CELF2: variants seen among roughly 807,000 people sequenced by gnomAD.
The protein encoded by CELF2 is CUGBP Elav-like family member 2, also known as CUG triplet repeat RNA-binding protein 2.
A neutral mutation model predicts 62.6 loss-of-function variants in CELF2; 8 were observed. The ratio of observed to expected loss-of-function variants is 0.13; its 90% CI spans 0.07 to 0.23. CELF2 has a LOEUF of 0.23. Ranked by LOEUF, CELF2 falls within the 10% of genes least tolerant of loss-of-function variation. The probability of loss-of-function intolerance (pLI) is 1.00; values close to 1 mark genes in which losing one functional copy is unlikely to be tolerated. For missense variants in CELF2, 333 were observed against 671.0 expected (o/e 0.50, Z 5.56); for synonymous variants, 258 against 250.0 (o/e 1.03, Z -0.30).
At chr10:10,463,786 G>A in the CELF2 span, among the ~76,000 whole-genome samples, 25 of 152,200 alleles carry the variant, frequency 1.6e-4, no homozygotes, top group East Asian at 4.6e-3. Flanking sequence ...TTAAAAGCAC[G>A]TGTGAAACAG....
chr10:11,118,112 A>G (rs1238920690), intron 1 of CELF2, among the ~76,000 whole-genome samples: 1 of 152,160 alleles, frequency 6.6e-6, no homozygotes, highest in African/African-American at 2.4e-5. Flanking sequence ...ATGCCTGTGA[A>G]TTAAATAAGG....
chr10:10,839,301 A>G (rs1053997834), intron 1 of CELF2, among the ~76,000 whole-genome samples: 1 of 152,152 alleles, frequency 6.6e-6, no homozygotes, highest in Non-Finnish European at 1.5e-5. Context: ...ATATCTCTAC[A>G]TGTAACCCTC....
rs534913731 is a variant in CELF2 at position 11,296,961 on chromosome 10, G to A, written c.976+8409G>A. On this transcript the variant is annotated intron_variant, in intron 9 of 12. Coordinates refer to ENST00000633077, the MANE Select transcript of CELF2 (RefSeq NM_001326342.2). This position sits in a 1 kb window ranked among gnomAD's most constrained non-coding sequence, Gnocchi z 5.0. ...GACATATGGAAAAGGATGCCCACCG[G>A]GGACCCTGAGAGCCGGGGCTCAGGA... Among the ~76,000 whole-genome samples the A allele has an allele frequency of 6.6e-6, 1 of 152,306 alleles. No homozygotes were observed. Among genetic ancestry groups the A allele is most frequent in the South Asian group, 2.1e-4 (1 of 4,824 alleles).
chr10:10,939,378 T>C (rs2046791758), intron 2 of CELF2, among the ~76,000 whole-genome samples: 1 of 152,070 alleles, frequency 6.6e-6, no homozygotes, highest in Non-Finnish European at 1.5e-5. Flanking sequence ...CTCTGCCTCC[T>C]GGGTTCGAGC....
At chr10:10,976,889 T>C (rs1351837926) in intron 2 of CELF2, among the ~76,000 whole-genome samples, 1 of 152,212 alleles carries the variant, frequency 6.6e-6, no homozygotes, top group Admixed American at 6.5e-5. Flanking sequence ...TGTCTCATCA[T>C]TGTGCATTTC....
At chr10:11,230,117 A>G (rs2068090931) in intron 3 of CELF2, among the ~76,000 whole-genome samples, 1 of 152,154 alleles carries the variant, frequency 6.6e-6, no homozygotes, top group Non-Finnish European at 1.5e-5. Flanking sequence ...CATCTGAGAA[A>G]GTGTTAGAAG....
At chr10:11,033,537 G>C (rs903847551) in intron 1 of CELF2, among the ~76,000 whole-genome samples, 2 of 152,160 alleles carry the variant, frequency 1.3e-5, no homozygotes, top group African/African-American at 4.8e-5. Flanking sequence ...GATTACAGGC[G>C]TAAGCCACCA....
At chr10:10,894,550 C>T (rs1308989600) in intron 1 of CELF2, among the ~76,000 whole-genome samples, 2 of 152,070 alleles carry the variant, frequency 1.3e-5, no homozygotes, top group African/African-American at 4.8e-5. Flanking sequence ...CGTCCCAGGC[C>T]CTGGTTTCAA....
chr10:10,820,143 C>G (rs2056833623), intron 1 of CELF2, among the ~76,000 whole-genome samples: 1 of 152,164 alleles, frequency 6.6e-6, no homozygotes, highest in South Asian at 2.1e-4. Context: ...GTAAGAAGTG[C>G]CTTTCGCCTC....
chr10:11,059,139 G>T (rs557673712), intron 1 of CELF2, among the ~76,000 whole-genome samples: 2 of 152,132 alleles, frequency 1.3e-5, no homozygotes, highest in African/African-American at 4.8e-5. Flanking sequence ...CTACTTCAGC[G>T]CCCTCCACTA....
chr10:10,893,577 C>T (rs538890104), intron 1 of CELF2, among the ~76,000 whole-genome samples: 11 of 152,236 alleles, frequency 7.2e-5, no homozygotes, highest in Admixed American at 3.3e-4. Flanking sequence ...AGAGAGATAC[C>T]TGAGACGGGG....
rs74115705 is a variant in CELF2, at chr10:11,076,141, G to A, written c.74+57978G>A. On this transcript the variant is annotated intron_variant, in intron 1 of 12. Transcript: ENST00000633077. The stretch of plus-strand genomic sequence containing the variant: ...CAAGCAGAAGTTAAAATAGCAGATG[G>A]GATATTGATGGTCATACATGGGGGA... Among the ~76,000 whole-genome samples the A allele has an allele frequency of 1.2e-3, 178 of 151,946 alleles. 2 individuals carry two copies. The highest frequency in any genetic ancestry group is 4.2e-3 in the African/African-American group (175 of 41,464).
the CELF2 span, among the ~76,000 whole-genome samples, chr10:10,538,375 A>C: frequency 6.6e-6 from 1 of 152,198 alleles, no homozygotes; most frequent in East Asian, 1.9e-4. Context: ...AGAGAGATGC[A>C]GAAGGGTGGA....
Position 11,217,521 on chromosome 10 carries a change from C to T in CELF2, c.354+14C>T, listed in dbSNP as rs1191475749. On this transcript the variant is annotated intron_variant, in intron 3 of 12. Coordinates refer to ENST00000633077, the MANE Select transcript of CELF2 (RefSeq NM_001326342.2). The surrounding 1 kb of genome is among the most constrained non-coding windows in gnomAD (Gnocchi z 5.6). Reference sequence around the variant, plus strand: ...ACTTTACCTGGGGTGAGTCGGTTTACTTTTGTACCAGAATCACTTTATTGC... The same window carrying T: ...ACTTTACCTGGGGTGAGTCGGTTTATTTTTGTACCAGAATCACTTTATTGC... 2.5e-6 allele frequency: 4 copies of T among 1,573,958 alleles called. No homozygotes were observed. Among genetic ancestry groups the T allele is most frequent in the Non-Finnish European group, 3.5e-6 (4 of 1,146,844 alleles).
chr10:11,240,714 A>G (rs1419062260), intron 3 of CELF2, among the ~76,000 whole-genome samples: 1 of 152,208 alleles, frequency 6.6e-6, no homozygotes, highest in Non-Finnish European at 1.5e-5. Flanking sequence ...GTATGTGTAT[A>G]TGCAAATACA....
At chr10:11,194,719 A>G (rs2056965947) in intron 2 of CELF2, among the ~76,000 whole-genome samples, 1 of 152,234 alleles carries the variant, frequency 6.6e-6, no homozygotes, top group Non-Finnish European at 1.5e-5. Flanking sequence ...GTAAATTTTA[A>G]TAGAAATTGA....
At chr10:11,143,648 C>T (rs1168127153) in intron 1 of CELF2, among the ~76,000 whole-genome samples, 16 of 152,258 alleles carry the variant, frequency 1.1e-4, no homozygotes, top group Admixed American at 9.8e-4. Flanking sequence ...CAGGCCCCCA[C>T]ACAGTTTAAC....
intron 1 of CELF2, among the ~76,000 whole-genome samples, chr10:11,150,027 T>C (rs1448230610): frequency 6.6e-6 from 1 of 152,214 alleles, no homozygotes; most frequent in Non-Finnish European, 1.5e-5. Flanking sequence ...GAATTAAAAT[T>C]GTTTTTGTAG....
chr10:10,917,626 C>A (rs1327728396), intron 1 of CELF2, among the ~76,000 whole-genome samples: 1 of 152,204 alleles, frequency 6.6e-6, no homozygotes, highest in Non-Finnish European at 1.5e-5. Flanking sequence ...CATGTGTGAG[C>A]CGCTGTGCTT....
Sources: allele counts gnomAD v4.1 joint callset (sites outside exome capture counted in the v4.1 genomes callset), GRCh38; gene constraint gnomAD v4.1.1; non-coding constraint Gnocchi (gnomAD v3.1); transcripts MANE v1.5; gene names NCBI Gene and HGNC (gene_info 2026-07-23, HGNC 2026-07-21).